Variants in HPS5 observed in about 807,000 individuals in gnomAD.
HPS5 encodes the protein BLOC-2 complex member HPS5.
In HPS5, 83 loss-of-function variants were observed where a neutral mutation model predicts 128.0. That is an observed-to-expected ratio of 0.65 (90% confidence interval 0.54 to 0.78). The LOEUF is 0.78. HPS5 is among the 30% of genes least tolerant of loss of function. The pLI is 0.00. For synonymous variants in HPS5, 475 were observed against 470.2 expected (o/e 1.01, Z -0.13); for missense variants, 1,281 against 1,326.2 (o/e 0.97, Z 0.53).
At chr11:18,286,938 GAGAA>G (rs1283056732) in intron 18 of HPS5, 7 of 595,122 alleles carry the variant, frequency 1.2e-5, no homozygotes, top group African/African-American at 1.9e-5. Flanking sequence ...GAAAGAGAGA[GAGAA>G]AGAAAGAGAC....
Position 18,295,080 on chromosome 11 carries a change from T to A in HPS5, c.1724A>T (p.Asp575Val), listed in dbSNP as rs754615360. The change falls in exon 14 of 23, where the codon GAT (aspartate) becomes GTT (valine). Residue 575 changes from aspartate to valine, a missense_variant. By Grantham distance (152) the Asp-to-Val change is radical. Coordinates refer to ENST00000349215, the MANE Select transcript of HPS5 (RefSeq NM_181507.2). ...DLKVRPELRG[D>V]EQSCEEDVSS... ...CACATCCTCTTCACATGATTGCTCATCACCCCTGAGCTCTGGTCTCACTTT... is the reference window on the plus strand; with the variant it reads ...CACATCCTCTTCACATGATTGCTCAACACCCCTGAGCTCTGGTCTCACTTT... The A allele has an allele frequency of 6.8e-6, 11 of 1,614,074 alleles. No homozygotes were observed. Among genetic ancestry groups the A allele is most frequent in the Non-Finnish European group, 8.5e-6 (10 of 1,179,910 alleles).
In HPS5 at chr11:18,291,624, T is replaced by C; in HGVS notation, c.2258A>G (p.Lys753Arg). ...LCLELNVLNS[K>R]IKSTSGHVDH... is the part of the protein sequence containing the mutation. ...CACATGTCCACTGGTGCTTTTGATC[T>C]TAGAATTCAATACATTCAACTCCAA... The change falls in exon 16 of 23, where the codon AAG (lysine) becomes AGG (arginine). Residue 753 changes from lysine to arginine, a missense_variant. Physicochemically the swap from Lys to Arg is conservative, Grantham distance 26 (BLOSUM62 2). Coordinates refer to ENST00000349215, the MANE Select transcript of HPS5 (RefSeq NM_181507.2). 6.2e-7 allele frequency: 1 copy of C among 1,614,246 alleles called. No homozygotes were observed. The highest frequency in any genetic ancestry group is 8.5e-7 in the Non-Finnish European group (1 of 1,180,038).
rs775141512 is a variant in HPS5 at position 18,295,008 on chromosome 11, GTAAGGGCTTAC to G, written c.1784+1_1784+11del. Reference sequence around the variant, plus strand: ...CCCTAGAATGTATAGAGATTTATGTGTAAGGGCTTACTCAGTGTCTTCCTCCTTTGGGCAGG... The same window carrying G: ...CCCTAGAATGTATAGAGATTTATGTGTCAGTGTCTTCCTCCTTTGGGCAGG... On this transcript the variant is annotated splice_donor_variant and splice_donor_5th_base_variant and intron_variant, in intron 14 of 22. Transcript: ENST00000349215. LOFTEE classifies it high-confidence loss of function. 1 of 1,613,774 alleles carries G rather than the reference GTAAGGGCTTAC, an allele frequency of 6.2e-7. No individual in the cohort carries two copies. The highest frequency in any genetic ancestry group is 1.3e-5 in the African/African-American group (1 of 74,902).
chr11:18,307,885 C>T (rs1234366423), intron 6 of HPS5, among the ~76,000 whole-genome samples: 1 of 152,094 alleles, frequency 6.6e-6, no homozygotes, highest in African/African-American at 2.4e-5. Context: ...CACGTCTAAA[C>T]ATGTTATTTT....
chr11:18,300,304 T>A (rs1179552455), intron 9 of HPS5, among the ~76,000 whole-genome samples: 1 of 152,064 alleles, frequency 6.6e-6, no homozygotes, highest in Non-Finnish European at 1.5e-5. Flanking sequence ...AAATGACTCA[T>A]GAAAAAATAA....
Position 18,293,825 on chromosome 11 carries a change from T to C in HPS5, c.1785-849A>G, listed in dbSNP as rs574695025. 2.8e-4 allele frequency among the ~76,000 whole-genome samples: 43 copies of C among 152,344 alleles called. 1 individual carries two copies. The South Asian group carries it at 6.0e-3, about 21-fold the overall frequency. ...GTGAAGTGTCAGTGTACACACTTAG[T>C]TCTCCGATAGGAGTGAAATTTATAG... On this transcript the variant is annotated intron_variant, in intron 14 of 22. Transcript: ENST00000349215.
intron 18 of HPS5, 114 bp from the exon 19 acceptor site, chr11:18,286,824 C>T (rs980062672): frequency 3.7e-5 from 48 of 1,308,712 alleles, no homozygotes; most frequent in Admixed American, 5.8e-5. Context: ...GAAGAAATAA[C>T]TTGAAAACTC....
At chr11:18,297,537 C>T (rs1861219616) in intron 11 of HPS5, 22 bp downstream of exon 11, 1 of 1,608,376 alleles carries the variant, frequency 6.2e-7, no homozygotes, top group Non-Finnish European at 8.5e-7. Context: ...CTACAAAATC[C>T]TTTAAAGGTG....
intron 6 of HPS5, 130 bp from the exon 7 acceptor site, chr11:18,306,477 A>G (rs1331729370): frequency 7.7e-6 from 5 of 648,306 alleles, no homozygotes; most frequent in Non-Finnish European, 1.4e-5. Context: ...TTAGCAATAT[A>G]CTGAAAAAAA....
At chr11:18,318,617 A>G (rs904393934) in intron 1 of HPS5, among the ~76,000 whole-genome samples, 4 of 152,246 alleles carry the variant, frequency 2.6e-5, no homozygotes, top group African/African-American at 9.6e-5. Flanking sequence ...CCTACTCTCA[A>G]ATGCACTTTT....
In HPS5 at chr11:18,311,903, C is replaced by T; in HGVS notation, c.219+11G>A. 1 of 1,553,954 alleles carries T rather than the reference C, an allele frequency of 6.4e-7. No individual in the cohort carries two copies. Among genetic ancestry groups the T allele is most frequent in the African/African-American group, 1.4e-5 (1 of 73,796 alleles). On this transcript the variant is annotated intron_variant, in intron 3 of 22. Coordinates refer to ENST00000349215, the MANE Select transcript of HPS5 (RefSeq NM_181507.2). ...CCAAATGGTGTATGACAGAGCTGCC[C>T]TTAATCTTACCCTGTGTGAAAGAAA...
At chr11:18,309,748 C>T (rs1217017441) in intron 5 of HPS5, among the ~76,000 whole-genome samples, 3 of 152,192 alleles carry the variant, frequency 2.0e-5, no homozygotes, top group Non-Finnish European at 4.4e-5. Context: ...TGTCTGTAAT[C>T]CCAGCACTTT....
intron 10 of HPS5, among the ~76,000 whole-genome samples, chr11:18,298,085 CAA>C (rs1200784930): frequency 1.7e-4 from 12 of 70,420 alleles, no homozygotes; most frequent in Admixed American, 3.2e-4. Context: ...GACTTCATCT[CAA>C]AAAAAAAAAA....
intron 16 of HPS5, among the ~76,000 whole-genome samples, chr11:18,288,813 G>A (rs1007521769): frequency 1.2e-4 from 18 of 151,214 alleles, no homozygotes; most frequent in South Asian, 4.2e-4. Flanking sequence ...GCACACATGC[G>A]CACATGCGTG....
At chr11:18,307,237 C>CA (rs1391306676) in intron 6 of HPS5, among the ~76,000 whole-genome samples, 11 of 152,330 alleles carry the variant, frequency 7.2e-5, no homozygotes, top group Admixed American at 4.6e-4. Context: ...TCCATAAACT[C>CA]AATCTCTTTT....
In HPS5 at chr11:18,296,576, A is replaced by T. The variant is rs1449584872; in HGVS notation, c.1510+222T>A. 2.5e-5 allele frequency: 16 copies of T among 628,972 alleles called. No individual in the cohort carries two copies. In the African/African-American group the frequency reaches 2.7e-4, roughly 11 times the overall value. The allele number at this position is 628,972 out of a possible 1,614,324, so 39.0% of individuals were successfully genotyped here. A position where few individuals can be genotyped will look rare whatever the true frequency, so the allele number is the denominator to read the frequency against. ...CCAGCATTTTGATGCATGATCAAAA[A>T]CAGGCCCTAATGTTAGTCCAAACGT... is the stretch of plus-strand genomic sequence containing the variant. On this transcript the variant is annotated intron_variant, in intron 12 of 22. Coordinates refer to ENST00000349215, the MANE Select transcript of HPS5 (RefSeq NM_181507.2).
intron 5 of HPS5, 114 bp from the exon 6 acceptor site, chr11:18,309,193 A>G: frequency 1.9e-6 from 2 of 1,068,342 alleles, no homozygotes; most frequent in Non-Finnish European, 2.8e-6. Context: ...AAAATTTTCA[A>G]ATAAGCCAAA....
chr11:18,318,419 A>C (rs1335066571), intron 1 of HPS5, among the ~76,000 whole-genome samples: 1 of 152,212 alleles, frequency 6.6e-6, no homozygotes, highest in Non-Finnish European at 1.5e-5. Context: ...GCAGGGGCTT[A>C]GTAAGTATGG....
At chr11:18,308,603 C>T (rs1246187526) in intron 6 of HPS5, among the ~76,000 whole-genome samples, 1 of 152,006 alleles carries the variant, frequency 6.6e-6, no homozygotes, top group Non-Finnish European at 1.5e-5. Flanking sequence ...TTGCTTGAGC[C>T]CAGGAGTTCA....
Sources: allele counts gnomAD v4.1 joint callset (sites outside exome capture counted in the v4.1 genomes callset), GRCh38; gene constraint gnomAD v4.1.1; transcripts MANE v1.5; gene names NCBI Gene and HGNC (gene_info 2026-07-23, HGNC 2026-07-21).